Variants in SIPA1L1 observed in about 807,000 individuals in gnomAD.
The protein encoded by SIPA1L1 is signal induced proliferation associated 1 like 1.
A neutral mutation model predicts 162.7 loss-of-function variants in SIPA1L1; 26 were observed. The observed-to-expected ratio is 0.16, with a 90% confidence interval of 0.12 to 0.22. SIPA1L1 has a LOEUF of 0.22. Ranked by LOEUF, SIPA1L1 falls within the 10% of genes least tolerant of loss-of-function variation. The pLI is 1.00. For missense variants in SIPA1L1, 1,874 were observed against 2,241.0 expected, an observed-to-expected ratio of 0.84 and a Z score of 3.31; for synonymous variants, 829 against 837.4, an observed-to-expected ratio of 0.99 and a Z score of 0.17.
chr14:71,675,596 G>T (rs1198905678), intron 12 of SIPA1L1, among the ~76,000 whole-genome samples: 3 of 152,234 alleles, frequency 2.0e-5, no homozygotes, highest in African/African-American at 7.2e-5. Context: ...ATGCTCTTGT[G>T]TCATTTTTTT....
intron 5 of SIPA1L1, among the ~76,000 whole-genome samples, chr14:71,614,854 C>T (rs571690483): frequency 4.6e-5 from 7 of 152,034 alleles, no homozygotes; most frequent in Non-Finnish European, 7.4e-5. Context: ...AACAAAGTAA[C>T]CTTATTAACA....
chr14:71,480,225 G>A (rs1373024872), intron 2 of SIPA1L1, among the ~76,000 whole-genome samples: 1 of 151,722 alleles, frequency 6.6e-6, no homozygotes, highest in Non-Finnish European at 1.5e-5. Context: ...TGGGATTACA[G>A]GCGTTTGCCA....
chr14:71,459,271 G>C (rs927059469), intron 2 of SIPA1L1, among the ~76,000 whole-genome samples: 1 of 152,078 alleles, frequency 6.6e-6, no homozygotes, highest in African/African-American at 2.4e-5. Flanking sequence ...TAAATTTTCT[G>C]AATGGTGGCT....
rs538270480 is a variant in SIPA1L1, at chr14:71,341,416, G to T, written c.-465+20235G>T. On this transcript the variant is annotated intron_variant, in intron 2 of 23. Transcript: ENST00000381232. ...CTGCCTATTGCCCTAAAATTATCGGGCTGTCATCAAGTCAGCATCTGCTTT... is the reference window on the plus strand; with the variant it reads ...CTGCCTATTGCCCTAAAATTATCGGTCTGTCATCAAGTCAGCATCTGCTTT... Among the ~76,000 whole-genome samples the T allele has an allele frequency of 2.0e-5, 3 of 152,248 alleles. No homozygotes were observed. In the South Asian group the frequency reaches 6.2e-4, roughly 32 times the overall value.
chr14:71,728,850 G>C (rs895965833), intron 19 of SIPA1L1, among the ~76,000 whole-genome samples: 1 of 152,156 alleles, frequency 6.6e-6, no homozygotes, highest in Non-Finnish European at 1.5e-5. Flanking sequence ...TTGCCTTTCA[G>C]GTTGCTATTT....
intron 17 of SIPA1L1, 99 bp downstream of exon 17, chr14:71,709,763 G>A (rs377013104): frequency 2.1e-6 from 2 of 971,918 alleles, no homozygotes; most frequent in African/African-American, 3.3e-5. Context: ...ATAAGGAAAG[G>A]AGGTTTTTCT....
At chr14:71,403,658 T>A (rs933861944) in intron 2 of SIPA1L1, among the ~76,000 whole-genome samples, 6 of 151,888 alleles carry the variant, frequency 4.0e-5, no homozygotes, top group Non-Finnish European at 5.9e-5. Context: ...TCTACTTTTT[T>A]AAAATGGCTA....
intron 16 of SIPA1L1, among the ~76,000 whole-genome samples, chr14:71,707,545 G>C (rs1370255332): frequency 2.6e-5 from 4 of 152,150 alleles, no homozygotes; most frequent in Non-Finnish European, 5.9e-5. Flanking sequence ...TCATACAAAT[G>C]AAATTATACA....
intron 2 of SIPA1L1, among the ~76,000 whole-genome samples, chr14:71,477,363 AAAAACAAAAC>A (rs951970750): frequency 2.0e-5 from 3 of 152,160 alleles, no homozygotes; most frequent in Non-Finnish European, 4.4e-5. Flanking sequence ...TCTGTAAGAA[AAAAACAAAAC>A]AAAACAAAAC....
chr14:71,379,300 T>TC (rs925133796), intron 2 of SIPA1L1, among the ~76,000 whole-genome samples: 5 of 151,734 alleles, frequency 3.3e-5, no homozygotes, highest in African/African-American at 9.7e-5. Context: ...TTTCTTTCTT[T>TC]CTTTTTTTTT....
At chr14:71,590,034 A>ATATATAT (rs2035104261) in intron 5 of SIPA1L1, among the ~76,000 whole-genome samples, 18 of 72,680 alleles carry the variant, frequency 2.5e-4, no homozygotes, top group Non-Finnish European at 4.4e-4. Flanking sequence ...AAAAAAAAAA[A>ATATATAT]AAAAAAAAAA....
At chr14:71,436,789 G>T (rs1436676817) in intron 2 of SIPA1L1, among the ~76,000 whole-genome samples, 1 of 123,330 alleles carries the variant, frequency 8.1e-6, no homozygotes, top group Non-Finnish European at 1.6e-5. Flanking sequence ...TTTTGAGACA[G>T]AGTCTCACTC....
chr14:71,640,060 C>T (rs1311095191), intron 7 of SIPA1L1, among the ~76,000 whole-genome samples: 1 of 152,080 alleles, frequency 6.6e-6, no homozygotes, highest in African/African-American at 2.4e-5. Context: ...CATACCACCA[C>T]ACCCGGCTAA....
intron 2 of SIPA1L1, among the ~76,000 whole-genome samples, chr14:71,447,069 G>A (rs2045461636): frequency 1.3e-5 from 2 of 150,518 alleles, no homozygotes; most frequent in South Asian, 4.2e-4. Flanking sequence ...GCACCACCAT[G>A]CTCAGCTAAT....
intron 2 of SIPA1L1, among the ~76,000 whole-genome samples, chr14:71,463,147 C>T (rs1030519244): frequency 3.9e-5 from 6 of 152,202 alleles, no homozygotes; most frequent in African/African-American, 1.4e-4. Context: ...GCATTAATTT[C>T]TGCAGTCTCT....
intron 17 of SIPA1L1, among the ~76,000 whole-genome samples, chr14:71,712,559 A>G (rs1228450573): frequency 6.6e-6 from 1 of 151,446 alleles, no homozygotes; most frequent in Non-Finnish European, 1.5e-5. Context: ...AGCCTAGGAG[A>G]GGTGAAGATA....
At chr14:71,383,122 T>C (rs1159036874) in intron 2 of SIPA1L1, among the ~76,000 whole-genome samples, 1 of 152,208 alleles carries the variant, frequency 6.6e-6, no homozygotes, top group African/African-American at 2.4e-5. Flanking sequence ...TAAATGATAA[T>C]AATGCTAGTG....
At chr14:71,666,336 A>G (rs933929020) in intron 10 of SIPA1L1, among the ~76,000 whole-genome samples, 1 of 152,234 alleles carries the variant, frequency 6.6e-6, no homozygotes, top group Admixed American at 6.5e-5. Context: ...GTAAGTTGCA[A>G]GAAATAGTGA....
In SIPA1L1 at chr14:71,588,922, G is replaced by A. The variant is rs779257031; in HGVS notation, c.1050G>A (p.Arg350=). ...LFDLNEAIMN[R]HNVIKRRNTT... is the part of the protein sequence containing the mutation. The stretch of plus-strand genomic sequence containing the variant: ...ATTTGAATGAGGCAATTATGAACAG[G>A]CACAATGTTATTAAGAGGAGAAACA... Residue 350 remains arginine (R), a synonymous_variant, in exon 5 of 24, where the codon AGG becomes AGA. Coordinates refer to ENST00000381232, the MANE Select transcript of SIPA1L1 (RefSeq NM_001386936.1). This position sits in a 1 kb window ranked among gnomAD's most constrained non-coding sequence, Gnocchi z 4.3. 8.1e-6 allele frequency: 13 copies of A among 1,614,046 alleles called. No individual in the cohort carries two copies. Among genetic ancestry groups the A allele is most frequent in the Non-Finnish European group, 1.1e-5 (13 of 1,179,972 alleles).
Sources: gnomAD v4.1 joint callset for allele counts (sites outside exome capture counted in the v4.1 genomes callset) on GRCh38, gnomAD v4.1.1 for gene constraint, Gnocchi (gnomAD v3.1) non-coding constraint, MANE v1.5 for transcripts, NCBI Gene and HGNC (gene_info 2026-07-23, HGNC 2026-07-21) for gene names.